Variants in RGS6 observed in about 807,000 individuals in gnomAD.
RGS6 encodes the protein regulator of G protein signaling 6, also known as regulator of G-protein signaling 6.
Under a neutral mutation model 78.5 loss-of-function variants are expected in RGS6, and 30 were observed. The ratio of observed to expected loss-of-function variants is 0.38; its 90% CI spans 0.29 to 0.52. The LOEUF is 0.52. RGS6 is among the 20% of genes least tolerant of loss of function. RGS6 has a pLI of 0.85. For synonymous variants in RGS6, 206 were observed against 206.0 expected, an observed-to-expected ratio of 1.00 and a Z score of 0.00; for missense variants, 495 against 609.7, an observed-to-expected ratio of 0.81 and a Z score of 1.98.
chr14:72,175,951 C>G (rs1008534580), intron 2 of RGS6, among the ~76,000 whole-genome samples: 4 of 152,160 alleles, frequency 2.6e-5, no homozygotes, highest in African/African-American at 9.7e-5. Flanking sequence ...TGAACTATCA[C>G]CAAGAGATCC....
intron 2 of RGS6, among the ~76,000 whole-genome samples, chr14:72,077,213 C>A (rs2094609293): frequency 2.0e-5 from 3 of 151,912 alleles, no homozygotes; most frequent in Middle Eastern, 3.4e-3. Flanking sequence ...AATTGAACAC[C>A]TTTCCATATC....
intron 2 of RGS6, among the ~76,000 whole-genome samples, chr14:72,242,871 T>C (rs1358320204): frequency 1.8e-5 from 2 of 112,826 alleles, no homozygotes; most frequent in Non-Finnish European, 1.7e-5. Flanking sequence ...TTTTTTGAGA[T>C]GGAGTCTCGC....
At chr14:71,999,821 A>ATGCT (rs2083088845) in intron 2 of RGS6, among the ~76,000 whole-genome samples, 1 of 114,216 alleles carries the variant, frequency 8.8e-6, no homozygotes, top group Non-Finnish European at 2.0e-5. Flanking sequence ...AGATGCTAGC[A>ATGCT]TCATGCTTCC....
At chr14:71,971,289 G>A (rs2093788396) in intron 2 of RGS6, among the ~76,000 whole-genome samples, 1 of 152,188 alleles carries the variant, frequency 6.6e-6, no homozygotes, top group Non-Finnish European at 1.5e-5. Flanking sequence ...GTTAGTAAAA[G>A]TCTGGAAAGA....
intron 2 of RGS6, among the ~76,000 whole-genome samples, chr14:72,337,516 G>C (rs2076256764): frequency 6.6e-6 from 1 of 152,062 alleles, no homozygotes; most frequent in African/African-American, 2.4e-5. Context: ...CTGATGACCA[G>C]GTAGGGTAGA....
At chr14:71,954,768 A>G (rs191816909) in intron 1 of RGS6, among the ~76,000 whole-genome samples, 76 of 152,204 alleles carry the variant, frequency 5.0e-4, no homozygotes, top group African/African-American at 1.7e-3. Flanking sequence ...TTTTCAAAGG[A>G]GTTTTAAAAA....
the RGS6 span, among the ~76,000 whole-genome samples, chr14:72,590,483 A>G: frequency 6.6e-6 from 1 of 152,162 alleles, no homozygotes; most frequent in African/African-American, 2.4e-5. Context: ...ACCTAGAAGA[A>G]TCTCAAAAAC....
intron 3 of RGS6, among the ~76,000 whole-genome samples, chr14:72,411,808 G>A (rs1295706342): frequency 3.9e-5 from 6 of 152,136 alleles, no homozygotes; most frequent in Admixed American, 6.6e-5. Flanking sequence ...GGCCTTTTCT[G>A]CATCTATTGA....
chr14:72,507,381 G>C (rs1024704989), intron 13 of RGS6, among the ~76,000 whole-genome samples: 1 of 152,166 alleles, frequency 6.6e-6, no homozygotes, highest in African/African-American at 2.4e-5. Flanking sequence ...GGACTTCTAG[G>C]CTCCAGAACT....
At chr14:72,451,875 C>T (rs1004660890) in intron 3 of RGS6, among the ~76,000 whole-genome samples, 5 of 152,124 alleles carry the variant, frequency 3.3e-5, no homozygotes, top group African/African-American at 9.7e-5. Context: ...GCCTGAGCCT[C>T]CCGAGTAGCT....
At chr14:72,324,202 A>G (rs994055850) in intron 2 of RGS6, among the ~76,000 whole-genome samples, 1 of 152,240 alleles carries the variant, frequency 6.6e-6, no homozygotes, top group Non-Finnish European at 1.5e-5. Flanking sequence ...ACCAAACTAC[A>G]TATGACAAAT....
At chr14:72,543,649 G>A (rs1391856955) in intron 17 of RGS6, among the ~76,000 whole-genome samples, 1 of 152,202 alleles carries the variant, frequency 6.6e-6, no homozygotes, top group Admixed American at 6.5e-5. Flanking sequence ...GTTGCTTGGT[G>A]ATGTCTAGCC....
the RGS6 span, among the ~76,000 whole-genome samples, chr14:72,575,007 G>T: frequency 2.0e-5 from 3 of 152,108 alleles, no homozygotes; most frequent in Non-Finnish European, 4.4e-5. Context: ...GGGAGAGGTG[G>T]GTGTTGAGGA....
intron 13 of RGS6, among the ~76,000 whole-genome samples, chr14:72,504,412 G>A (rs533574552): frequency 2.6e-5 from 4 of 152,084 alleles, no homozygotes; most frequent in African/African-American, 4.8e-5. Flanking sequence ...ATTTAATTTC[G>A]TTGCTTGCAA....
At chr14:72,206,341 G>C (rs1301173637) in intron 2 of RGS6, among the ~76,000 whole-genome samples, 1 of 152,140 alleles carries the variant, frequency 6.6e-6, no homozygotes, top group African/African-American at 2.4e-5. Flanking sequence ...CACATGGAAA[G>C]ATGGACATAG....
At chr14:72,568,639 G>T (rs946613377), downstream of RGS6, among the ~76,000 whole-genome samples, 8 of 152,220 alleles carry the variant, frequency 5.3e-5, no homozygotes, top group African/African-American at 1.4e-4. Flanking sequence ...CGGGCCGGAG[G>T]CGCCCTCCCC....
intron 2 of RGS6, among the ~76,000 whole-genome samples, chr14:72,221,519 C>T (rs2046862741): frequency 6.6e-6 from 1 of 152,168 alleles, no homozygotes; most frequent in African/African-American, 2.4e-5. Flanking sequence ...GGTCATCTTG[C>T]ACTCATCAGG....
At chr14:71,878,778 G>A in the RGS6 span, among the ~76,000 whole-genome samples, 2 of 152,174 alleles carry the variant, frequency 1.3e-5, no homozygotes, top group African/African-American at 2.4e-5. Context: ...CATCACTCAC[G>A]CTGGGAGCTG....
chr14:72,395,640 G>A lies in RGS6; in HGVS notation c.184+43446G>A, dbSNP rs557598027. Reference sequence around the variant, plus strand: ...GTTGGTGTGCTGCACCCATTAACTCGTCATTTAACATTAGGTATATCTCCT... The same window carrying A: ...GTTGGTGTGCTGCACCCATTAACTCATCATTTAACATTAGGTATATCTCCT... On this transcript the variant is annotated intron_variant, in intron 3 of 17. Transcript: ENST00000553525. Among the ~76,000 whole-genome samples, 48 of 151,800 alleles carry A rather than the reference G, an allele frequency of 3.2e-4. 2 individuals carry two copies. Among genetic ancestry groups the A allele is most frequent in the African/African-American group, 1.0e-3 (43 of 41,402 alleles).
Sources: allele counts gnomAD v4.1 joint callset (sites outside exome capture counted in the v4.1 genomes callset), GRCh38; gene constraint gnomAD v4.1.1; transcripts MANE v1.5; gene names NCBI Gene and HGNC (gene_info 2026-07-23, HGNC 2026-07-21).